Variants in SNTG1 observed in about 807,000 individuals in gnomAD.
The protein encoded by SNTG1 is gamma-1-syntrophin.
SNTG1 carries 39 observed loss-of-function variants against 74.7 expected under a neutral mutation model. The observed-to-expected ratio is 0.52, with a 90% confidence interval of 0.40 to 0.68. SNTG1 has a LOEUF of 0.68. SNTG1 is among the 30% of genes least tolerant of loss of function. The probability of loss-of-function intolerance (pLI) is 0.00; values close to 1 mark genes in which losing one functional copy is unlikely to be tolerated. For missense variants in SNTG1, 685 were observed against 609.5 expected, an observed-to-expected ratio of 1.12 and a Z score of -1.30; for synonymous variants, 254 against 217.1, an observed-to-expected ratio of 1.17 and a Z score of -1.49.
chr8:50,278,259 GTAATTTTCTCTCATTGTTGAATA>G (rs1255944016), intron 2 of SNTG1, among the ~76,000 whole-genome samples: 2 of 152,130 alleles, frequency 1.3e-5, no homozygotes, highest in Non-Finnish European at 2.9e-5. Flanking sequence ...AAGGAAAGGT[GTAATTTTCTCTCATTGTTGAATA>G]TAATATTTTT....
chr8:50,247,656 C>T (rs1480221630), intron 2 of SNTG1, among the ~76,000 whole-genome samples: 1 of 150,148 alleles, frequency 6.7e-6, no homozygotes, highest in Non-Finnish European at 1.5e-5. Flanking sequence ...ACGGTGCATT[C>T]CACCAGTCCC....
intron 2 of SNTG1, among the ~76,000 whole-genome samples, chr8:50,316,269 A>G (rs2130783760): frequency 6.6e-6 from 1 of 152,266 alleles, no homozygotes; most frequent in East Asian, 1.9e-4. Context: ...TTAGAAAAAA[A>G]AGTTTCAGTT....
intron 2 of SNTG1, among the ~76,000 whole-genome samples, chr8:50,199,286 C>A (rs35418717): frequency 6.7e-6 from 1 of 149,712 alleles, no homozygotes; most frequent in Admixed American, 6.7e-5. Flanking sequence ...GGTTCAATCT[C>A]GGCTCACTGC....
chr8:50,373,192 A>C (rs1466951094), intron 2 of SNTG1, among the ~76,000 whole-genome samples: 1 of 152,158 alleles, frequency 6.6e-6, no homozygotes, highest in Non-Finnish European at 1.5e-5. Flanking sequence ...ATTTTTGTTT[A>C]TTTGCTTCAT....
chr8:50,782,322 C>T (rs1446853491), intron 18 of SNTG1, among the ~76,000 whole-genome samples: 2 of 152,226 alleles, frequency 1.3e-5, no homozygotes, highest in Non-Finnish European at 2.9e-5. Context: ...TTCCATTCTC[C>T]CCGTCACTTT....
intron 1 of SNTG1, among the ~76,000 whole-genome samples, chr8:50,156,801 G>A (rs1180202458): frequency 6.6e-6 from 1 of 151,920 alleles, no homozygotes; most frequent in African/African-American, 2.4e-5. Flanking sequence ...TCAAGTAAGT[G>A]GAAATTAAAC....
intron 2 of SNTG1, among the ~76,000 whole-genome samples, chr8:50,350,321 T>C (rs1186146317): frequency 6.6e-6 from 1 of 152,154 alleles, no homozygotes; most frequent in East Asian, 1.9e-4. Context: ...TGCAGGGGAC[T>C]GGCAGGCAGC....
chr8:50,341,781 C>T (rs2091325214), intron 2 of SNTG1, among the ~76,000 whole-genome samples: 1 of 151,934 alleles, frequency 6.6e-6, no homozygotes, highest in African/African-American at 2.4e-5. Flanking sequence ...GCCTTGTAAA[C>T]TTAACTGATA....
At chr8:50,712,153 C>T (rs1310605335) in intron 17 of SNTG1, among the ~76,000 whole-genome samples, 1 of 152,190 alleles carries the variant, frequency 6.6e-6, no homozygotes, top group Non-Finnish European at 1.5e-5. Context: ...AGGGCATACA[C>T]ATCAGTCTTC....
At chr8:50,721,870 G>C (rs567487574) in intron 17 of SNTG1, among the ~76,000 whole-genome samples, 1 of 151,732 alleles carries the variant, frequency 6.6e-6, no homozygotes, top group East Asian at 1.9e-4. Flanking sequence ...AAATAACAAA[G>C]ATGTTGCTTC....
intron 2 of SNTG1, among the ~76,000 whole-genome samples, chr8:50,211,880 C>G (rs1586709028): frequency 6.6e-6 from 1 of 151,930 alleles, no homozygotes; most frequent in Non-Finnish European, 1.5e-5. Context: ...TCTGAGTAGA[C>G]AGTTGTGAGA....
intron 2 of SNTG1, among the ~76,000 whole-genome samples, chr8:50,390,828 A>G (rs1177877876): frequency 1.3e-5 from 2 of 152,148 alleles, no homozygotes; most frequent in African/African-American, 4.8e-5. Flanking sequence ...TTCTCTTTGA[A>G]GCAATTGTGA....
intron 2 of SNTG1, among the ~76,000 whole-genome samples, chr8:50,272,515 T>A (rs2087837582): frequency 6.6e-6 from 1 of 152,140 alleles, no homozygotes; most frequent in Non-Finnish European, 1.5e-5. Context: ...ACAGCAAAAA[T>A]TGGCACTGGC....
intron 1 of SNTG1, among the ~76,000 whole-genome samples, chr8:50,137,982 T>C (rs1331681921): frequency 6.6e-6 from 1 of 152,198 alleles, no homozygotes; most frequent in Non-Finnish European, 1.5e-5. Flanking sequence ...CTTCAGCCTT[T>C]CCATTAATTA....
At chr8:50,148,255 T>C (rs2131515125) in intron 1 of SNTG1, among the ~76,000 whole-genome samples, 1 of 152,256 alleles carries the variant, frequency 6.6e-6, no homozygotes, top group South Asian at 2.1e-4. Context: ...GGGATCTTCC[T>C]TGCAGAGGAA....
At chr8:50,439,716 C>CTTTTTTTTTTT (rs60899125) in intron 5 of SNTG1, among the ~76,000 whole-genome samples, 1 of 102,102 alleles carries the variant, frequency 9.8e-6, no homozygotes, top group African/African-American at 3.7e-5. Flanking sequence ...TTTTGTTTTG[C>CTTTTTTTTTTT]TTTTTTTTTT....
intron 1 of SNTG1, among the ~76,000 whole-genome samples, chr8:50,060,276 C>T (rs114970387): frequency 3.3e-5 from 5 of 152,012 alleles, no homozygotes; most frequent in African/African-American, 1.2e-4. Flanking sequence ...TCAGATAAAG[C>T]ACCATATCAG....
chr8:50,198,054 T>C (rs1461580231), intron 2 of SNTG1, among the ~76,000 whole-genome samples: 1 of 152,148 alleles, frequency 6.6e-6, no homozygotes, highest in African/African-American at 2.4e-5. Flanking sequence ...TTCCGTACTT[T>C]GCAGTTTATC....
At chr8:50,668,776 C>A (rs576039926) in intron 15 of SNTG1, among the ~76,000 whole-genome samples, 3 of 151,974 alleles carry the variant, frequency 2.0e-5, no homozygotes, top group East Asian at 3.9e-4. Flanking sequence ...ATGATGACTT[C>A]CAGTTCATCC....
Sources: gnomAD v4.1 joint callset for allele counts (sites outside exome capture counted in the v4.1 genomes callset) on GRCh38, gnomAD v4.1.1 for gene constraint, MANE v1.5 for transcripts, NCBI Gene and HGNC (gene_info 2026-07-23, HGNC 2026-07-21) for gene names.